VPS13B: variants seen among roughly 807,000 people sequenced by gnomAD.
The protein encoded by VPS13B is vacuolar protein sorting 13 homolog B.
In VPS13B, 285 loss-of-function variants were observed where a neutral mutation model predicts 426.4. That is an observed-to-expected ratio of 0.67 (90% confidence interval 0.61 to 0.74). The LOEUF (loss-of-function observed/expected upper bound fraction) is 0.74, where lower values mean the gene tolerates loss of function less well. VPS13B is among the 30% of genes least tolerant of loss of function. VPS13B has a pLI of 0.00. For synonymous variants in VPS13B, 1,676 were observed against 1,676.4 expected (o/e 1.00, Z 0.01); for missense variants, 4,537 against 4,782.6 (o/e 0.95, Z 1.51).
At chr8:99,143,187 G>A (rs1810523765) in intron 13 of VPS13B, 22 bp downstream of exon 13, 1 of 1,613,258 alleles carries the variant, frequency 6.2e-7, no homozygotes, top group African/African-American at 1.3e-5. Flanking sequence ...GATTAATTTT[G>A]AATCTTTTGC....
rs148606031 is a variant in VPS13B, at chr8:99,382,759, C to T, written c.2825-1449C>T. 2.9e-3 allele frequency among the ~76,000 whole-genome samples: 446 copies of T among 152,240 alleles called. 1 individual carries two copies. The highest frequency in any genetic ancestry group is 5.2e-3 in the Non-Finnish European group (351 of 67,986). Reference sequence around the variant, plus strand: ...TTCTAGATACATATTTTCATGTTGTCTGCAAAGATAGTTTGGCTTTCTCTC... The same window carrying T: ...TTCTAGATACATATTTTCATGTTGTTTGCAAAGATAGTTTGGCTTTCTCTC... On this transcript the variant is annotated intron_variant, in intron 19 of 61. Transcript: ENST00000357162.
chr8:99,064,380 T>C (rs1844360699), intron 3 of VPS13B, among the ~76,000 whole-genome samples: 1 of 152,174 alleles, frequency 6.6e-6, no homozygotes, highest in South Asian at 2.1e-4. Flanking sequence ...GACGAATGGC[T>C]AACTAGAATA....
chr8:99,015,279 C>T (rs562666001), intron 2 of VPS13B, among the ~76,000 whole-genome samples: 215 of 146,948 alleles, frequency 1.5e-3, no homozygotes, highest in African/African-American at 5.1e-3. Context: ...TGCAGTGGCA[C>T]GATCTCGGCT....
chr8:99,282,319 G>A (rs1345235173), intron 19 of VPS13B, among the ~76,000 whole-genome samples: 2 of 152,092 alleles, frequency 1.3e-5, no homozygotes, highest in African/African-American at 4.8e-5. Flanking sequence ...TCTTTAAAAT[G>A]TTAACTCCAA....
chr8:99,417,918 C>T (rs913139168), intron 21 of VPS13B, among the ~76,000 whole-genome samples: 33 of 151,924 alleles, frequency 2.2e-4, no homozygotes, highest in Admixed American at 2.0e-3. Flanking sequence ...AAATAGTTGA[C>T]GTGATTTTAA....
intron 2 of VPS13B, among the ~76,000 whole-genome samples, chr8:99,037,758 A>G (rs1294143157): frequency 6.6e-6 from 1 of 152,130 alleles, no homozygotes; most frequent in Non-Finnish European, 1.5e-5. Flanking sequence ...TCTAATGATA[A>G]TGAAAAGCAG....
At chr8:99,063,399 C>T (rs1312741007) in intron 3 of VPS13B, among the ~76,000 whole-genome samples, 3 of 152,230 alleles carry the variant, frequency 2.0e-5, no homozygotes, top group Non-Finnish European at 4.4e-5. Context: ...TCTTAGCAAA[C>T]GGCATACCAG....
chr8:99,164,907 A>G (rs1297251746), intron 15 of VPS13B, among the ~76,000 whole-genome samples: 2 of 151,858 alleles, frequency 1.3e-5, no homozygotes, highest in Middle Eastern at 3.2e-3. Flanking sequence ...TGCCTCTGCC[A>G]GCTGCTTATG....
At chr8:99,671,491 A>C (rs1303919665) in intron 35 of VPS13B, among the ~76,000 whole-genome samples, 1 of 151,916 alleles carries the variant, frequency 6.6e-6, no homozygotes, top group Non-Finnish European at 1.5e-5. Flanking sequence ...TTGTAATCCT[A>C]TTTTTGCTTT....
intron 21 of VPS13B, among the ~76,000 whole-genome samples, chr8:99,421,992 A>C (rs1436539708): frequency 6.6e-6 from 1 of 152,132 alleles, no homozygotes; most frequent in African/African-American, 2.4e-5. Flanking sequence ...AAACAGGTTA[A>C]TAAATTTGTA....
At chr8:99,074,385 TTC>T (rs1283928408) in intron 3 of VPS13B, among the ~76,000 whole-genome samples, 2 of 151,908 alleles carry the variant, frequency 1.3e-5, no homozygotes, top group Non-Finnish European at 2.9e-5. Context: ...GAATCGTCCT[TTC>T]ATCCCTTAAG....
chr8:99,500,923 AAGACTTTGAC>A (rs951888282), intron 25 of VPS13B, among the ~76,000 whole-genome samples: 9 of 152,192 alleles, frequency 5.9e-5, no homozygotes, highest in African/African-American at 2.2e-4. Context: ...ACAAACAAAC[AAGACTTTGAC>A]AGCAAGTTCG....
At chr8:99,086,702 G>A (rs1469639295) in intron 3 of VPS13B, among the ~76,000 whole-genome samples, 1 of 152,228 alleles carries the variant, frequency 6.6e-6, no homozygotes, top group East Asian at 1.9e-4. Context: ...CTGCAGGTCT[G>A]TTGGTTTGCT....
intron 17 of VPS13B, chr8:99,233,264 C>A: frequency 8.4e-7 from 1 of 1,192,038 alleles, no homozygotes; most frequent in South Asian, 1.2e-5. Context: ...ACAGTCTTGC[C>A]ACCTTTGCCA....
intron 2 of VPS13B, among the ~76,000 whole-genome samples, chr8:99,029,582 GC>G (rs1335282833): frequency 6.6e-6 from 1 of 151,930 alleles, no homozygotes; most frequent in Non-Finnish European, 1.5e-5. Flanking sequence ...GACCAGCCCG[GC>G]CAACACAGCA....
chr8:99,263,458 A>G (rs1251138052), intron 17 of VPS13B, among the ~76,000 whole-genome samples: 1 of 152,188 alleles, frequency 6.6e-6, no homozygotes, highest in Non-Finnish European at 1.5e-5. Flanking sequence ...AGAAGACTGA[A>G]ATGGGTCTCA....
intron 25 of VPS13B, among the ~76,000 whole-genome samples, chr8:99,482,530 A>G (rs913579182): frequency 1.3e-5 from 2 of 152,186 alleles, no homozygotes; most frequent in Non-Finnish European, 2.9e-5. Context: ...GTCACATGCA[A>G]TTACTGTGAA....
chr8:99,322,520 A>G (rs1810031874), intron 19 of VPS13B, among the ~76,000 whole-genome samples: 1 of 152,228 alleles, frequency 6.6e-6, no homozygotes. Flanking sequence ...AAATAAAAGT[A>G]CATTTTTAAT....
intron 17 of VPS13B, among the ~76,000 whole-genome samples, chr8:99,213,914 A>T (rs969730948): frequency 3.5e-4 from 53 of 151,792 alleles, no homozygotes; most frequent in African/African-American, 1.3e-3. Flanking sequence ...GACTCCCATA[A>T]GTTCTGCAGG....
Sources: allele counts gnomAD v4.1 joint callset (sites outside exome capture counted in the v4.1 genomes callset), GRCh38; gene constraint gnomAD v4.1.1; transcripts MANE v1.5; gene names NCBI Gene and HGNC (gene_info 2026-07-23, HGNC 2026-07-21).